The following TRIM36 variants were observed in gnomAD, a reference collection of about 807,000 sequenced individuals.
TRIM36 encodes the protein tripartite motif containing 36.
In TRIM36, 42 loss-of-function variants were observed where a neutral mutation model predicts 72.4. The observed-to-expected ratio is 0.58, with a 90% CI of 0.45 to 0.75. The LOEUF is 0.75. Among genes scored for constraint, TRIM36 ranks in the 30% least tolerant of loss-of-function variants. The probability of loss-of-function intolerance (pLI) is 0.00; values close to 1 mark genes in which losing one functional copy is unlikely to be tolerated. For synonymous variants in TRIM36, 315 were observed against 282.8 expected, an observed-to-expected ratio of 1.11 and a Z score of -1.14; for missense variants, 913 against 857.1, an observed-to-expected ratio of 1.07 and a Z score of -0.81.
intron 8 of TRIM36, among the ~76,000 whole-genome samples, chr5:115,133,137 T>C (rs1409589709): frequency 6.6e-6 from 1 of 152,162 alleles, no homozygotes; most frequent in Non-Finnish European, 1.5e-5. Context: ...TCTGAGGCAG[T>C]GACTGAAAGG....
chr5:115,170,047 G>C (rs1461460938), upstream of TRIM36: 2 of 927,034 alleles, frequency 2.2e-6, no homozygotes, highest in Non-Finnish European at 2.6e-6. Flanking sequence ...CCGGGTGTCT[G>C]AGTGGTAGGC....
intron 6 of TRIM36, 50 bp from the exon 7 acceptor site, chr5:115,137,174 G>T (rs1440420857): frequency 6.6e-7 from 1 of 1,524,810 alleles, no homozygotes; most frequent in African/African-American, 1.4e-5. Context: ...AGTCAAATCA[G>T]ACTAAATATC....
intron 7 of TRIM36, among the ~76,000 whole-genome samples, chr5:115,136,261 T>C (rs986349000): frequency 3.4e-5 from 5 of 148,150 alleles, no homozygotes; most frequent in Non-Finnish European, 7.4e-5. Flanking sequence ...CCAATATGAC[T>C]GGTGTCCTTA....
chr5:115,169,820 C>T lies in TRIM36; in HGVS notation c.-186G>A. ...AAGTAAGCCGGGGCAGGCAAAAGCA[C>T]AGGCGCGGGAGAAGCGAGCTTTGCT... On this transcript the variant is annotated 5_prime_UTR_variant, in exon 1 of 10. In the 5' UTR this introduces an upstream ATG that the reference lacks. Coordinates refer to ENST00000513154, the MANE Select transcript of TRIM36 (RefSeq NM_001300759.2). The T allele has an allele frequency of 7.6e-7, 1 of 1,313,736 alleles. No homozygotes were observed. The highest frequency in any genetic ancestry group is 9.7e-7 in the Non-Finnish European group (1 of 1,027,178). 81.4% of individuals were successfully genotyped at this position (1,313,736 alleles called of 1,614,324 possible). A position where few individuals can be genotyped will look rare whatever the true frequency, so the allele number is the denominator to read the frequency against.
At chr5:115,157,219 T>G (rs1261356183) in intron 2 of TRIM36, among the ~76,000 whole-genome samples, 2 of 151,012 alleles carry the variant, frequency 1.3e-5, no homozygotes, top group African/African-American at 4.9e-5. Flanking sequence ...CTGGTGGGAA[T>G]GTAAACTAGT....
At chr5:115,163,857 A>T in intron 1 of TRIM36, 105 bp from the exon 2 acceptor site, 1 of 962,616 alleles carries the variant, frequency 1.0e-6, no homozygotes, top group Non-Finnish European at 1.5e-6. Context: ...AAAAAGAATT[A>T]AGAAAATGAT....
chr5:115,132,679 C>A (rs1251736686), intron 8 of TRIM36, among the ~76,000 whole-genome samples: 3 of 152,032 alleles, frequency 2.0e-5, no homozygotes, highest in Admixed American at 2.0e-4. Flanking sequence ...TCAAAAGTCT[C>A]CCAGTTTGCA....
intron 2 of TRIM36, chr5:115,149,157 A>G (rs1220625036): frequency 6.6e-6 from 1 of 152,158 alleles, no homozygotes; most frequent in Non-Finnish European, 1.5e-5. Context: ...GAAAATCCTA[A>G]AATATATTCA....
intron 8 of TRIM36, among the ~76,000 whole-genome samples, chr5:115,132,645 G>A (rs924131417): frequency 1.3e-5 from 2 of 151,522 alleles, no homozygotes; most frequent in Non-Finnish European, 2.9e-5. Flanking sequence ...TTCCTGGCAT[G>A]ATTATTTGTG....
rs761549405 is a variant in TRIM36 at position 115,134,148 on chromosome 5, CTGAAAGAATTA to C, written c.1211-12_1211-2del. On this transcript the variant is annotated splice_acceptor_variant and splice_polypyrimidine_tract_variant and intron_variant, in intron 7 of 9. Coordinates refer to ENST00000513154, the MANE Select transcript of TRIM36 (RefSeq NM_001300759.2). LOFTEE classifies it high-confidence loss of function. ...TCATTGATCTCTGGCACGTCTATGC[CTGAAAGAATTA>C]TGAAATAGAAAACAACATTAAAATA... The C allele has an allele frequency of 5.2e-6, 8 of 1,549,744 alleles. No homozygotes were observed. The highest frequency in any genetic ancestry group is 6.9e-6 in the Non-Finnish European group (8 of 1,151,880).
At chr5:115,152,378 A>T (rs1302529323) in intron 2 of TRIM36, among the ~76,000 whole-genome samples, 1 of 152,216 alleles carries the variant, frequency 6.6e-6, no homozygotes, top group Admixed American at 6.5e-5. Flanking sequence ...GATTACGTTA[A>T]ATGACCCACC....
At chr5:115,153,954 T>C (rs1754029787) in intron 2 of TRIM36, 1 of 152,094 alleles carries the variant, frequency 6.6e-6, no homozygotes, top group African/African-American at 2.4e-5. Context: ...TCAATAAATT[T>C]AAAAATATTG....
In TRIM36 at chr5:115,147,080, A is replaced by T; in HGVS notation, c.577T>A (p.Phe193Ile). The change falls in exon 3 of 10, where the codon TTC becomes ATC. Residue 193 changes from phenylalanine to isoleucine, a missense_variant. Transcript: ENST00000513154. ...QHEYVGPTTN[F>I]RPKILMCPEH... ...AAAACTTCACTTACCTTGGGTCTGA[A>T]GTTAGTAGTTGGACCAACATACTCA... is the stretch of plus-strand genomic sequence containing the variant. 6.2e-7 allele frequency: 1 copy of T among 1,611,440 alleles called. No homozygotes were observed. The highest frequency in any genetic ancestry group is 8.5e-7 in the Non-Finnish European group (1 of 1,177,892).
At chr5:115,166,788 C>G (rs1754803153) in intron 1 of TRIM36, among the ~76,000 whole-genome samples, 1 of 152,188 alleles carries the variant, frequency 6.6e-6, no homozygotes, top group Non-Finnish European at 1.5e-5. Context: ...TGTGGCTCTG[C>G]AGTTGCCGGC....
upstream of TRIM36, chr5:115,180,265 A>G (rs960717772): frequency 6.3e-6 from 3 of 478,164 alleles, no homozygotes; most frequent in Admixed American, 4.1e-5. Context: ...ATCCGGGTGC[A>G]GCGGTCGGGG....
At position 115,141,300 on chromosome 5, in the gene TRIM36, G is replaced by C. The variant is rs1753263681; in HGVS notation, c.810C>G (p.Asn270Lys). ...SQVKSQISEL[N>K]LLMKETECNG... ...TTACCTCTGTTTCTTTCATTAACAA[G>C]TTTAGTTCAGATATTTGACTCTTCA... The change falls in exon 5 of 10, where the codon AAC (asparagine) becomes AAG (lysine). Residue 270 changes from asparagine to lysine, a missense_variant. Transcript: ENST00000513154. The C allele has an allele frequency of 6.2e-7, 1 of 1,601,504 alleles. No homozygotes were observed. Among genetic ancestry groups the C allele is most frequent in the East Asian group, 2.3e-5 (1 of 44,158 alleles).
chr5:115,149,629 T>G (rs1753778430), intron 2 of TRIM36: 1 of 116,572 alleles, frequency 8.6e-6, no homozygotes, highest in African/African-American at 3.7e-5. Flanking sequence ...TCTGCTACTG[T>G]GTTTTTACAG....
chr5:115,136,089 T>C lies in TRIM36; in HGVS notation c.1210+911A>G, dbSNP rs887709196. 7.2e-5 allele frequency among the ~76,000 whole-genome samples: 11 copies of C among 151,966 alleles called. No homozygotes were observed. The East Asian group carries it at 1.9e-3, about 27-fold the overall frequency. ...ACGTAAGCAAGTGTTATGGACTGAA[T>C]TGCATCCTTCCCCAGTCCCCCAGAC... On this transcript the variant is annotated intron_variant, in intron 7 of 9. Transcript: ENST00000513154.
chr5:115,163,794 A>T (rs1230065161), intron 1 of TRIM36, 42 bp from the exon 2 acceptor site: 4 of 1,463,896 alleles, frequency 2.7e-6, no homozygotes, highest in Non-Finnish European at 3.8e-6. Flanking sequence ...CTTAGTGGGT[A>T]AATATATTAA....
Sources: allele counts gnomAD v4.1 joint callset (sites outside exome capture counted in the v4.1 genomes callset), GRCh38; gene constraint gnomAD v4.1.1; transcripts MANE v1.5; gene names NCBI Gene and HGNC (gene_info 2026-07-23, HGNC 2026-07-21).